The following RYR2 variants were observed in gnomAD, a reference collection of about 807,000 sequenced individuals.
RYR2 encodes cardiac muscle ryanodine receptor-calcium release channel.
RYR2 carries 227 observed loss-of-function variants against 601.1 expected under a neutral mutation model. That is an observed-to-expected ratio of 0.38 (90% CI 0.34 to 0.42). The LOEUF is 0.42. RYR2 is among the 10% of genes least tolerant of loss of function. The pLI is 1.00. For missense variants in RYR2, 4,646 were observed against 6,156.5 expected (o/e 0.75, Z 8.21); for synonymous variants, 2,223 against 2,175.1 (o/e 1.02, Z -0.61).
At chr1:237,416,113 GTC>G (rs1276859272) in intron 10 of RYR2, among the ~76,000 whole-genome samples, 1 of 152,150 alleles carries the variant, frequency 6.6e-6, no homozygotes, top group Non-Finnish European at 1.5e-5. Flanking sequence ...AAGAAAGTAA[GTC>G]TATTGGATTT....
intron 27 of RYR2, among the ~76,000 whole-genome samples, chr1:237,558,767 A>G (rs1671163036): frequency 6.6e-6 from 1 of 151,990 alleles, no homozygotes; most frequent in Admixed American, 6.6e-5. Context: ...TGTATCCCCC[A>G]GGCCTCTGAA....
intron 2 of RYR2, among the ~76,000 whole-genome samples, chr1:237,289,990 A>G (rs1286116204): frequency 6.6e-6 from 1 of 152,200 alleles, no homozygotes; most frequent in Non-Finnish European, 1.5e-5. Context: ...GTTCCTTATA[A>G]AATTCAGCAT....
chr1:237,496,434 G>T lies in RYR2; in HGVS notation c.1962-77G>T. On this transcript the variant is annotated intron_variant, in intron 19 of 104. Coordinates refer to ENST00000366574, the MANE Select transcript of RYR2 (RefSeq NM_001035.3). ...ATAAAATTAAATGAAATACACAAGT[G>T]AAATTGTGAGATGTAAATGAAAACA... 8 of 1,569,876 alleles carry T rather than the reference G, an allele frequency of 5.1e-6. No homozygotes were observed. The South Asian group carries it at 8.1e-5, about 16-fold the overall frequency.
At chr1:237,382,144 A>C (rs1701574269) in intron 8 of RYR2, among the ~76,000 whole-genome samples, 1 of 152,184 alleles carries the variant, frequency 6.6e-6, no homozygotes, top group Non-Finnish European at 1.5e-5. Flanking sequence ...GATTGTTTGC[A>C]CTGGAAATGT....
intron 1 of RYR2, among the ~76,000 whole-genome samples, chr1:237,262,237 T>C (rs1688595319): frequency 6.9e-6 from 1 of 144,634 alleles, no homozygotes; most frequent in African/African-American, 2.6e-5. Flanking sequence ...AGATCTCTGT[T>C]CTAAAGAGTT....
chr1:237,249,929 C>T (rs1687280103), intron 1 of RYR2, among the ~76,000 whole-genome samples: 2 of 152,136 alleles, frequency 1.3e-5, no homozygotes, highest in Non-Finnish European at 2.9e-5. Context: ...GAGTCAAAAG[C>T]AAGCAATGTG....
rs568926576 is a variant in RYR2, at chr1:237,060,629, C to T, written c.48+18060C>T. ...GGACTTCTAGAAAAATAAATTAATT[C>T]GGCTTGTTTTTCCACTTTGTGCAAA... On this transcript the variant is annotated intron_variant, in intron 1 of 104. Transcript: ENST00000366574. Among the ~76,000 whole-genome samples, 52 of 152,252 alleles carry T rather than the reference C, an allele frequency of 3.4e-4. 1 individual carries two copies. The highest frequency in any genetic ancestry group is 2.3e-3 in the South Asian group (11 of 4,822).
intron 2 of RYR2, among the ~76,000 whole-genome samples, chr1:237,284,270 A>G (rs1691215188): frequency 2.1e-5 from 3 of 143,064 alleles, no homozygotes; most frequent in East Asian, 4.4e-4. Context: ...AATCCCAGCT[A>G]CTTGGGAGGC....
chr1:237,192,388 T>C (rs933891578), intron 1 of RYR2, among the ~76,000 whole-genome samples: 3 of 152,036 alleles, frequency 2.0e-5, no homozygotes, highest in African/African-American at 4.8e-5. Flanking sequence ...TTTTTTTTTG[T>C]ATTTTTAGTA....
intron 104 of RYR2, among the ~76,000 whole-genome samples, chr1:237,832,241 C>T (rs543739152): frequency 6.6e-6 from 1 of 150,772 alleles, no homozygotes; most frequent in Non-Finnish European, 1.5e-5. Flanking sequence ...TTAGTACAGA[C>T]AAGATCTCTT....
intron 21 of RYR2, 102 bp from the exon 22 acceptor site, chr1:237,503,187 T>A: frequency 9.6e-7 from 1 of 1,037,942 alleles, no homozygotes; most frequent in Non-Finnish European, 1.4e-6. Context: ...TGGCTTCTGA[T>A]AAAATACTTT....
chr1:237,511,026 C>T lies in RYR2; in HGVS notation c.2719-662C>T, dbSNP rs549463214. 4.6e-5 allele frequency among the ~76,000 whole-genome samples: 7 copies of T among 152,190 alleles called. No homozygotes were observed. The East Asian group carries it at 5.8e-4, about 13-fold the overall frequency. ...AAGTGTTTATGTCAGTCAGTCCTGT[C>T]GTTAATTGATGTCTGTAATCAGTTT... On this transcript the variant is annotated intron_variant, in intron 23 of 104. Transcript: ENST00000366574.
intron 1 of RYR2, among the ~76,000 whole-genome samples, chr1:237,211,167 T>C (rs1682532928): frequency 6.6e-6 from 1 of 152,218 alleles, no homozygotes; most frequent in South Asian, 2.1e-4. Context: ...GCACAGAAAC[T>C]TTAAACCTTA....
At chr1:237,541,707 A>G (rs914947872) in intron 25 of RYR2, among the ~76,000 whole-genome samples, 18 of 152,068 alleles carry the variant, frequency 1.2e-4, no homozygotes, top group African/African-American at 4.1e-4. Flanking sequence ...GTGCCATTTT[A>G]TAGGATTTGG....
In RYR2 at chr1:237,180,021, C is replaced by T. The variant is rs992494897; in HGVS notation, c.49-90476C>T. Among the ~76,000 whole-genome samples, 1 of 152,048 alleles carries T rather than the reference C, an allele frequency of 6.6e-6. No individual in the cohort carries two copies. The highest frequency in any genetic ancestry group is 2.4e-5 in the African/African-American group (1 of 41,296). ...GATCAAATTTCGGGTCTTGACACAG[C>T]AAGTGATAAAGCTTTGACCCCTGGG... On this transcript the variant is annotated intron_variant, in intron 1 of 104. Transcript: ENST00000366574. The surrounding 1 kb of genome is among the most constrained non-coding windows in gnomAD (Gnocchi z 5.3).
intron 81 of RYR2, among the ~76,000 whole-genome samples, chr1:237,756,717 C>A (rs138558112): frequency 6.6e-6 from 1 of 152,274 alleles, no homozygotes; most frequent in Non-Finnish European, 1.5e-5. Context: ...ATATGTTCAG[C>A]TTCGAGGGTT....
chr1:237,735,460 A>G, intron 79 of RYR2, among the ~76,000 whole-genome samples: 1 of 152,184 alleles, frequency 6.6e-6, no homozygotes, highest in African/African-American at 2.4e-5. Context: ...AGCCAACAGA[A>G]TAGGAAAGGG....
intron 48 of RYR2, among the ~76,000 whole-genome samples, chr1:237,645,123 G>T (rs886482581): frequency 2.0e-5 from 3 of 152,114 alleles, no homozygotes; most frequent in Admixed American, 2.0e-4. Context: ...AGAGAAGGCA[G>T]GCTATAATAG....
At chr1:237,720,224 A>AT (rs1221503898) in intron 73 of RYR2, among the ~76,000 whole-genome samples, 1 of 152,114 alleles carries the variant, frequency 6.6e-6, no homozygotes. Flanking sequence ...CTTCTGAGGA[A>AT]TTTTTTTTAA....
Sources: gnomAD v4.1 joint callset for allele counts (sites outside exome capture counted in the v4.1 genomes callset) on GRCh38, gnomAD v4.1.1 for gene constraint, Gnocchi (gnomAD v3.1) non-coding constraint, MANE v1.5 for transcripts, NCBI Gene and HGNC (gene_info 2026-07-23, HGNC 2026-07-21) for gene names.